The following CCDC178 variants were observed in gnomAD, a reference collection of about 807,000 sequenced individuals.
CCDC178 encodes the protein coiled-coil domain-containing protein 178.
In CCDC178, 126 loss-of-function variants were observed where a neutral mutation model predicts 117.4. That is an observed-to-expected ratio of 1.07 (90% CI 0.93 to 1.24). The LOEUF is 1.24. Among genes scored for constraint, CCDC178 ranks in the 50% most tolerant of loss-of-function variants. The pLI, the probability that CCDC178 is intolerant of heterozygous loss-of-function variation, is 0.00. For synonymous variants in CCDC178, 283 were observed against 313.4 expected (o/e 0.90, Z 1.02); for missense variants, 1,030 against 986.9 (o/e 1.04, Z -0.59).
intron 2 of CCDC178, among the ~76,000 whole-genome samples, chr18:33,439,060 T>A (rs997578446): frequency 5.3e-5 from 8 of 152,204 alleles, no homozygotes; most frequent in Admixed American, 2.0e-4. Context: ...ACAGGCAAAT[T>A]GAACCAACTG....
At chr18:33,195,962 A>G (rs2058924846) in intron 20 of CCDC178, among the ~76,000 whole-genome samples, 1 of 152,128 alleles carries the variant, frequency 6.6e-6, no homozygotes, top group Admixed American at 6.5e-5. Flanking sequence ...TGAATTACCT[A>G]AAGAGCAGTC....
Position 33,046,445 on chromosome 18 carries a change from T to A in CCDC178, c.2388+46316A>T, listed in dbSNP as rs553631905. Among the ~76,000 whole-genome samples, 5 of 152,284 alleles carry A rather than the reference T, an allele frequency of 3.3e-5. No individual in the cohort carries two copies. In the South Asian group the frequency reaches 1.0e-3, roughly 32 times the overall value. ...TGGCCTAGAGAGACAACTTCTCATA[T>A]ACTACTGTTTTAATATAAAATAAGT... On this transcript the variant is annotated intron_variant, in intron 21 of 22. Transcript: ENST00000383096.
intron 20 of CCDC178, among the ~76,000 whole-genome samples, chr18:33,094,919 T>C (rs1381948924): frequency 6.6e-6 from 1 of 152,006 alleles, no homozygotes; most frequent in Admixed American, 6.6e-5. Context: ...CCTTCAGATG[T>C]ATAATGAAGT....
chr18:33,200,065 T>G (rs1170887574), intron 20 of CCDC178, among the ~76,000 whole-genome samples: 2 of 152,194 alleles, frequency 1.3e-5, no homozygotes, highest in Non-Finnish European at 2.9e-5. Context: ...AATTCACTCT[T>G]TCATCTCACT....
intron 21 of CCDC178, among the ~76,000 whole-genome samples, chr18:32,998,014 A>G (rs762983549): frequency 1.4e-4 from 21 of 152,240 alleles, no homozygotes; most frequent in Non-Finnish European, 2.5e-4. Flanking sequence ...AAGAACCACA[A>G]ATCAGGTGAG....
intron 6 of CCDC178, among the ~76,000 whole-genome samples, chr18:33,364,485 GT>G (rs1452152884): frequency 6.6e-6 from 1 of 151,922 alleles, no homozygotes; most frequent in Non-Finnish European, 1.5e-5. Flanking sequence ...ATTTTAAAAT[GT>G]TCTTAAAAAT....
chr18:33,005,986 TTA>T (rs1371348453), intron 21 of CCDC178, among the ~76,000 whole-genome samples: 1 of 152,046 alleles, frequency 6.6e-6, no homozygotes, highest in African/African-American at 2.4e-5. Context: ...TACTAGAAAG[TTA>T]TGTTTAAAAA....
At position 33,044,516 on chromosome 18, in the gene CCDC178, C is replaced by CA. The variant is rs200342113; in HGVS notation, c.2388+48244dup. Reference sequence around the variant, plus strand: ...GAATGACTATTATTAAAAAAACAAACAAACAAAAAAAACAGATGTTGACGA... The same window carrying CA: ...GAATGACTATTATTAAAAAAACAAACAAAACAAAAAAAACAGATGTTGACGA... On this transcript the variant is annotated intron_variant, in intron 21 of 22. Coordinates refer to ENST00000383096, the MANE Select transcript of CCDC178 (RefSeq NM_001105528.4). 2.1e-3 allele frequency among the ~76,000 whole-genome samples: 321 copies of CA among 149,350 alleles called. 2 individuals carry two copies. The highest frequency in any genetic ancestry group is 7.6e-3 in the African/African-American group (306 of 40,184).
chr18:33,148,519 C>T (rs577739911), intron 20 of CCDC178, among the ~76,000 whole-genome samples: 9 of 151,834 alleles, frequency 5.9e-5, no homozygotes, highest in Admixed American at 1.3e-4. Context: ...TGATTTCTAC[C>T]ATTCTGAAGG....
chr18:33,425,638 A>G (rs569122885), intron 2 of CCDC178, among the ~76,000 whole-genome samples: 3 of 152,246 alleles, frequency 2.0e-5, no homozygotes, highest in Admixed American at 2.0e-4. Context: ...ATCTGATCCA[A>G]TCAATTGTTG....
intron 20 of CCDC178, among the ~76,000 whole-genome samples, chr18:33,168,352 A>G (rs1032645207): frequency 4.6e-5 from 7 of 152,036 alleles, no homozygotes; most frequent in Admixed American, 3.9e-4. Context: ...TCGTCTTCCT[A>G]TTGCTTGTTT....
intron 2 of CCDC178, among the ~76,000 whole-genome samples, chr18:33,419,120 C>T (rs756956887): frequency 2.6e-5 from 4 of 152,098 alleles, no homozygotes; most frequent in Non-Finnish European, 5.9e-5. Context: ...GAATAAAGAG[C>T]CCAGAAATAA....
chr18:33,220,363 G>T (rs897540288), intron 18 of CCDC178, among the ~76,000 whole-genome samples: 1 of 152,060 alleles, frequency 6.6e-6, no homozygotes, highest in Non-Finnish European at 1.5e-5. Context: ...GAATAGTCTG[G>T]ATGGTACAGC....
intron 20 of CCDC178, among the ~76,000 whole-genome samples, chr18:33,210,249 C>A (rs192386123): frequency 6.6e-6 from 1 of 151,834 alleles, no homozygotes. Flanking sequence ...GATAGGCAGA[C>A]AAAAGACAGG....
intron 5 of CCDC178, among the ~76,000 whole-genome samples, chr18:33,386,441 A>G (rs1360850380): frequency 1.3e-5 from 2 of 152,210 alleles, no homozygotes; most frequent in African/African-American, 2.4e-5. Context: ...CTTCAGGCCA[A>G]TAGCCCTAAT....
At chr18:33,030,448 T>C (rs2056314223) in intron 21 of CCDC178, among the ~76,000 whole-genome samples, 1 of 152,086 alleles carries the variant, frequency 6.6e-6, no homozygotes, top group Admixed American at 6.6e-5. Flanking sequence ...GTTTAATCCA[T>C]TCACATTTAA....
At chr18:32,962,097 C>A (rs902184623) in intron 22 of CCDC178, among the ~76,000 whole-genome samples, 4 of 151,322 alleles carry the variant, frequency 2.6e-5, no homozygotes, top group Non-Finnish European at 5.9e-5. Flanking sequence ...AAGAGAGTAA[C>A]AATATACATC....
intron 21 of CCDC178, among the ~76,000 whole-genome samples, chr18:33,031,039 T>C (rs2085280420): frequency 6.6e-6 from 1 of 152,058 alleles, no homozygotes; most frequent in Admixed American, 6.6e-5. Flanking sequence ...GTCCAAAACC[T>C]GGAAATCCTG....
intron 21 of CCDC178, among the ~76,000 whole-genome samples, chr18:33,067,082 T>C (rs891036635): frequency 5.3e-5 from 8 of 152,232 alleles, no homozygotes; most frequent in African/African-American, 1.7e-4. Flanking sequence ...GTATATTCTT[T>C]TTGATAGATC....
Sources: gnomAD v4.1 joint callset for allele counts (sites outside exome capture counted in the v4.1 genomes callset) on GRCh38, gnomAD v4.1.1 for gene constraint, MANE v1.5 for transcripts, NCBI Gene and HGNC (gene_info 2026-07-23, HGNC 2026-07-21) for gene names.